The following PTPRD variants were observed in gnomAD, a reference collection of about 807,000 sequenced individuals.
PTPRD encodes protein tyrosine phosphatase receptor type D.
PTPRD carries 34 observed loss-of-function variants against 214.5 expected under a neutral mutation model. That is an observed-to-expected ratio of 0.16 (90% CI 0.12 to 0.21). The LOEUF (loss-of-function observed/expected upper bound fraction) is 0.21. Among genes scored for constraint, PTPRD ranks in the 10% least tolerant of loss-of-function variants. PTPRD has a pLI of 1.00. For missense variants in PTPRD, 2,545 were observed against 2,398.7 expected, an observed-to-expected ratio of 1.06 and a Z score of -1.27; for synonymous variants, 1,128 against 845.7, an observed-to-expected ratio of 1.33 and a Z score of -5.79.
chr9:8,956,418 A>C (rs968204600), intron 11 of PTPRD, among the ~76,000 whole-genome samples: 1 of 151,942 alleles, frequency 6.6e-6, no homozygotes, highest in African/African-American at 2.4e-5. Flanking sequence ...TCCTGTAAAC[A>C]AATGAAGACA....
chr9:10,188,760 G>T (rs1374519947), intron 3 of PTPRD, among the ~76,000 whole-genome samples: 1 of 152,032 alleles, frequency 6.6e-6, no homozygotes, highest in African/African-American at 2.4e-5. Context: ...GAAGCAAATA[G>T]GTTGATTAAT....
At chr9:9,946,294 A>G (rs1165819173) in intron 4 of PTPRD, among the ~76,000 whole-genome samples, 3 of 152,166 alleles carry the variant, frequency 2.0e-5, no homozygotes, top group Non-Finnish European at 4.4e-5. Flanking sequence ...TATTTAATGA[A>G]TGGGTAAAAA....
At chr9:9,866,523 A>C (rs1478223225) in intron 5 of PTPRD, among the ~76,000 whole-genome samples, 1 of 152,150 alleles carries the variant, frequency 6.6e-6, no homozygotes, top group Non-Finnish European at 1.5e-5. Flanking sequence ...TTATATCAAA[A>C]AGAAACAGGT....
At chr9:9,985,899 T>G (rs1475836310) in intron 4 of PTPRD, among the ~76,000 whole-genome samples, 1 of 152,098 alleles carries the variant, frequency 6.6e-6, no homozygotes, top group Non-Finnish European at 1.5e-5. Flanking sequence ...AATAATTGTT[T>G]CTAACCATGA....
chr9:10,344,137 TC>T (rs2097013646), intron 2 of PTPRD, among the ~76,000 whole-genome samples: 1 of 151,778 alleles, frequency 6.6e-6, no homozygotes, highest in Non-Finnish European at 1.5e-5. Flanking sequence ...GCCTAGGTTT[TC>T]TTCTAGGGTT....
chr9:9,575,535 A>G (rs2154305110), intron 7 of PTPRD, among the ~76,000 whole-genome samples: 1 of 151,744 alleles, frequency 6.6e-6, no homozygotes, highest in East Asian at 1.9e-4. Context: ...CCTGGCCAAT[A>G]TGGTGAAACC....
chr9:8,651,226 G>A (rs907608964), intron 12 of PTPRD, among the ~76,000 whole-genome samples: 1 of 152,086 alleles, frequency 6.6e-6, no homozygotes, highest in African/African-American at 2.4e-5. Context: ...AACCACGATG[G>A]ATCTCTGCAT....
chr9:9,184,392 G>A (rs561949867), intron 9 of PTPRD, among the ~76,000 whole-genome samples: 2 of 152,084 alleles, frequency 1.3e-5, no homozygotes, highest in Admixed American at 6.6e-5. Flanking sequence ...CTCATTCTAT[G>A]TTTCTTACCT....
chr9:9,222,971 T>C (rs2099957135), intron 9 of PTPRD, among the ~76,000 whole-genome samples: 1 of 152,044 alleles, frequency 6.6e-6, no homozygotes, highest in Non-Finnish European at 1.5e-5. Context: ...GCAACAAGTA[T>C]ACAGTCCATA....
intron 7 of PTPRD, among the ~76,000 whole-genome samples, chr9:9,593,303 T>G (rs1457600943): frequency 6.6e-6 from 1 of 151,876 alleles, no homozygotes; most frequent in Non-Finnish European, 1.5e-5. Context: ...CTTAACTTTT[T>G]TTTTTTTTGC....
chr9:9,193,377 C>A (rs1233621622), intron 9 of PTPRD, among the ~76,000 whole-genome samples: 2 of 152,118 alleles, frequency 1.3e-5, no homozygotes, highest in Admixed American at 1.3e-4. Context: ...ATATAATCTT[C>A]TCCTGTTTTG....
chr9:8,876,543 T>G (rs1245189393), intron 11 of PTPRD, among the ~76,000 whole-genome samples: 10 of 152,182 alleles, frequency 6.6e-5, no homozygotes, highest in Non-Finnish European at 1.3e-4. Flanking sequence ...TCAGAAGAAT[T>G]TGGAGCTTCG....
At chr9:9,257,138 A>G (rs759816344) in intron 9 of PTPRD, among the ~76,000 whole-genome samples, 1 of 151,996 alleles carries the variant, frequency 6.6e-6, no homozygotes, top group African/African-American at 2.4e-5. Context: ...GAGATGATCT[A>G]GTAAAATCTC....
chr9:9,359,974 T>C (rs1406742803), intron 9 of PTPRD, among the ~76,000 whole-genome samples: 1 of 151,246 alleles, frequency 6.6e-6, no homozygotes, highest in Non-Finnish European at 1.5e-5. Flanking sequence ...TTTTATATGT[T>C]TTTTGCAGAT....
intron 11 of PTPRD, among the ~76,000 whole-genome samples, chr9:8,788,371 G>C (rs1211396143): frequency 3.4e-5 from 5 of 147,374 alleles, no homozygotes; most frequent in Non-Finnish European, 5.9e-5. Context: ...CGCCTCTCAG[G>C]TTCAAGCCAT....
chr9:8,432,769 A>G (rs1207333205), intron 35 of PTPRD, among the ~76,000 whole-genome samples: 1 of 152,180 alleles, frequency 6.6e-6, no homozygotes, highest in Admixed American at 6.5e-5. Context: ...ACACTTAAAC[A>G]TCTCCTTCAT....
intron 23 of PTPRD, among the ~76,000 whole-genome samples, chr9:8,501,583 T>C (rs1419630648): frequency 6.6e-6 from 1 of 152,204 alleles, no homozygotes; most frequent in Non-Finnish European, 1.5e-5. Flanking sequence ...GCTAATGCCC[T>C]TCTACCAGTT....
At chr9:10,578,608 A>G (rs2070459634) in intron 2 of PTPRD, among the ~76,000 whole-genome samples, 1 of 152,190 alleles carries the variant, frequency 6.6e-6, no homozygotes, top group African/African-American at 2.4e-5. Flanking sequence ...ATAACTGGGA[A>G]TCCAGAAACT....
At chr9:9,715,130 TTA>T (rs773084751) in intron 7 of PTPRD, among the ~76,000 whole-genome samples, 38 of 152,166 alleles carry the variant, frequency 2.5e-4, no homozygotes, top group Non-Finnish European at 5.3e-4. Context: ...GCAAATTACT[TTA>T]TGTCACTGGA....
Sources: gnomAD v4.1 joint callset for allele counts (sites outside exome capture counted in the v4.1 genomes callset) on GRCh38, gnomAD v4.1.1 for gene constraint, MANE v1.5 for transcripts, NCBI Gene and HGNC (gene_info 2026-07-23, HGNC 2026-07-21) for gene names.